The following NCKAP5 variants were observed in gnomAD, a reference collection of about 807,000 sequenced individuals.
The protein encoded by NCKAP5 is NCK associated protein 5.
In NCKAP5, 92 loss-of-function variants were observed where a neutral mutation model predicts 167.0. That is an observed-to-expected ratio of 0.55 (90% CI 0.47 to 0.66). The LOEUF is 0.66. Among genes scored for constraint, NCKAP5 ranks in the 30% least tolerant of loss-of-function variants. The probability of loss-of-function intolerance (pLI) is 0.00; values close to 1 mark genes in which losing one functional copy is unlikely to be tolerated. For synonymous variants in NCKAP5, 891 were observed against 877.4 expected (o/e 1.02, Z -0.27); for missense variants, 2,378 against 2,315.0 (o/e 1.03, Z -0.56).
intron 11 of NCKAP5, among the ~76,000 whole-genome samples, chr2:132,822,049 G>C (rs929676290): frequency 1.3e-5 from 2 of 152,046 alleles, no homozygotes; most frequent in Non-Finnish European, 2.9e-5. Flanking sequence ...TCCCCTACTA[G>C]CATCTTGGCT....
chr2:133,618,528 T>C, the NCKAP5 span, among the ~76,000 whole-genome samples: 1 of 148,940 alleles, frequency 6.7e-6, no homozygotes, highest in African/African-American at 2.5e-5. Flanking sequence ...AGAAGACATT[T>C]ATGCAGCCAA....
intron 3 of NCKAP5, among the ~76,000 whole-genome samples, chr2:133,323,154 G>A (rs1259998847): frequency 6.6e-6 from 1 of 152,196 alleles, no homozygotes; most frequent in Non-Finnish European, 1.5e-5. Context: ...TTGCCTAAAA[G>A]TAGGGAAAAA....
intron 4 of NCKAP5, among the ~76,000 whole-genome samples, chr2:133,222,768 T>A (rs2086711354): frequency 6.6e-6 from 1 of 152,176 alleles, no homozygotes; most frequent in Non-Finnish European, 1.5e-5. Context: ...ATGCCTATTA[T>A]CCCACTGCTC....
chr2:133,490,457 T>C (rs574186256), intron 3 of NCKAP5, among the ~76,000 whole-genome samples: 1 of 152,146 alleles, frequency 6.6e-6, no homozygotes, highest in African/African-American at 2.4e-5. Context: ...GTAACAATGT[T>C]ATGTGGAGAA....
intron 5 of NCKAP5, among the ~76,000 whole-genome samples, chr2:133,143,450 T>C (rs1171497815): frequency 1.3e-5 from 2 of 152,164 alleles, no homozygotes; most frequent in Admixed American, 1.3e-4. Context: ...ACAACTGCTA[T>C]AACACAGAAA....
At position 133,473,459 on chromosome 2, in the gene NCKAP5, T is replaced by A. The variant is rs576221335; in HGVS notation, c.69+43999A>T. Among the ~76,000 whole-genome samples, 110 of 152,332 alleles carry A rather than the reference T, an allele frequency of 7.2e-4. 1 individual carries two copies. The highest frequency in any genetic ancestry group is 2.4e-3 in the African/African-American group (101 of 41,570). ...CTTGCTGGGTATTATCCCCCAGAGT[T>A]TCTGATTCAGTAGGTTTCATGGGGT... On this transcript the variant is annotated intron_variant, in intron 3 of 19. Transcript: ENST00000409261.
intron 6 of NCKAP5, among the ~76,000 whole-genome samples, chr2:133,108,073 T>C (rs558140981): frequency 6.6e-6 from 1 of 152,340 alleles, no homozygotes; most frequent in Admixed American, 6.5e-5. Context: ...ATGATAAGCA[T>C]TTAATAACTC....
intron 6 of NCKAP5, among the ~76,000 whole-genome samples, chr2:133,056,977 C>T (rs2079826382): frequency 2.0e-5 from 3 of 152,310 alleles, no homozygotes; most frequent in Non-Finnish European, 4.4e-5. Context: ...GTACTCACTT[C>T]ATTGCTCTGT....
intron 3 of NCKAP5, among the ~76,000 whole-genome samples, chr2:133,375,082 C>T (rs1272346964): frequency 3.3e-5 from 5 of 152,130 alleles, no homozygotes; most frequent in Non-Finnish European, 5.9e-5. Flanking sequence ...GGAAGCAGTG[C>T]TTATCTGGTA....
intron 8 of NCKAP5, among the ~76,000 whole-genome samples, chr2:132,960,111 T>C (rs1314617299): frequency 2.0e-5 from 3 of 152,176 alleles, no homozygotes; most frequent in East Asian, 1.9e-4. Context: ...ACGTACTCAG[T>C]AGAGAAAATC....
At chr2:132,789,002 C>T (rs1683830410) in intron 13 of NCKAP5, among the ~76,000 whole-genome samples, 2 of 152,060 alleles carry the variant, frequency 1.3e-5, no homozygotes, top group African/African-American at 4.8e-5. Flanking sequence ...CATGACAGAG[C>T]CCTATTAAGG....
chr2:132,928,003 A>G (rs1696049289), intron 8 of NCKAP5, among the ~76,000 whole-genome samples: 1 of 152,152 alleles, frequency 6.6e-6, no homozygotes, highest in Admixed American at 6.6e-5. Flanking sequence ...TCTTAAGTAA[A>G]AGCAAAATTT....
chr2:133,643,628 A>G, the NCKAP5 span, among the ~76,000 whole-genome samples: 6 of 152,076 alleles, frequency 3.9e-5, no homozygotes, highest in Admixed American at 3.3e-4. Flanking sequence ...CCTACCTCCA[A>G]TCATCCTATC....
chr2:133,080,360 C>A (rs1476169420), intron 6 of NCKAP5, among the ~76,000 whole-genome samples: 1 of 152,128 alleles, frequency 6.6e-6, no homozygotes, highest in Admixed American at 6.5e-5. Context: ...TTACACTGCT[C>A]TCAGTTAGTT....
At chr2:133,664,170 T>C in the NCKAP5 span, among the ~76,000 whole-genome samples, 515 of 148,198 alleles carry the variant, frequency 3.5e-3, 2 homozygotes, top group African/African-American at 0.012. Flanking sequence ...TTTTTTTTTT[T>C]CTGAACAGGA....
At chr2:133,190,013 A>G (rs926751654) in intron 5 of NCKAP5, among the ~76,000 whole-genome samples, 1 of 152,212 alleles carries the variant, frequency 6.6e-6, no homozygotes, top group African/African-American at 2.4e-5. Context: ...ATGATTGTAT[A>G]TTTAGAAAAC....
intron 5 of NCKAP5, among the ~76,000 whole-genome samples, chr2:133,154,309 C>A (rs1321453515): frequency 3.9e-5 from 6 of 152,150 alleles, no homozygotes; most frequent in Non-Finnish European, 8.8e-5. Context: ...TGTGTTTCTG[C>A]CTCATTTGTG....
At chr2:132,692,693 C>T (rs544062277) in intron 19 of NCKAP5, among the ~76,000 whole-genome samples, 16 of 152,094 alleles carry the variant, frequency 1.1e-4, no homozygotes, top group Admixed American at 1.3e-4. Flanking sequence ...AAAATAAAAA[C>T]GAAGATATAA....
At chr2:133,118,146 G>C (rs1431933730) in intron 6 of NCKAP5, 2 of 151,994 alleles carry the variant, frequency 1.3e-5, no homozygotes, top group African/African-American at 4.8e-5. Context: ...CTGTCTTATA[G>C]CAAATATTGG....
Sources: gnomAD v4.1 joint callset for allele counts (sites outside exome capture counted in the v4.1 genomes callset) on GRCh38, gnomAD v4.1.1 for gene constraint, MANE v1.5 for transcripts, NCBI Gene and HGNC (gene_info 2026-07-23, HGNC 2026-07-21) for gene names.